Variants in LINGO2 observed in about 807,000 individuals in gnomAD.
LINGO2 encodes the protein leucine rich repeat and Ig domain containing 2.
In LINGO2, 14 loss-of-function variants were observed where a neutral mutation model predicts 30.6. The ratio of observed to expected loss-of-function variants is 0.46; its 90% CI spans 0.30 to 0.72. LINGO2 has a LOEUF of 0.72. Ranked by LOEUF, LINGO2 falls within the 30% of genes least tolerant of loss-of-function variation. The probability of loss-of-function intolerance (pLI) is 0.07; values close to 1 mark genes in which losing one functional copy is unlikely to be tolerated. For synonymous variants in LINGO2, 317 were observed against 288.5 expected, an observed-to-expected ratio of 1.10 and a Z score of -1.00; for missense variants, 729 against 751.7, an observed-to-expected ratio of 0.97 and a Z score of 0.35.
intron 2 of LINGO2, among the ~76,000 whole-genome samples, chr9:28,469,588 G>A (rs1825442394): frequency 6.6e-6 from 1 of 152,092 alleles, no homozygotes; most frequent in African/African-American, 2.4e-5. Context: ...CATTAATCAT[G>A]TACAAGGGAT....
At chr9:27,963,396 T>A (rs1362986278) in intron 5 of LINGO2, among the ~76,000 whole-genome samples, 1 of 152,108 alleles carries the variant, frequency 6.6e-6, no homozygotes, top group Non-Finnish European at 1.5e-5. Context: ...AAGAGATTGG[T>A]AAAATGGAGA....
the LINGO2 span, among the ~76,000 whole-genome samples, chr9:28,777,263 G>A: frequency 6.6e-6 from 1 of 152,180 alleles, no homozygotes; most frequent in Non-Finnish European, 1.5e-5. Context: ...TTATATGCAT[G>A]TTGAACAATT....
chr9:28,697,895 A>G, the LINGO2 span, among the ~76,000 whole-genome samples: 1 of 152,128 alleles, frequency 6.6e-6, no homozygotes, highest in Admixed American at 6.6e-5. Context: ...TTTTGTCTAG[A>G]TGAATTTTAT....
chr9:28,774,668 A>G, the LINGO2 span, among the ~76,000 whole-genome samples: 1 of 152,182 alleles, frequency 6.6e-6, no homozygotes, highest in South Asian at 2.1e-4. Flanking sequence ...CAGTGACTGC[A>G]CTTCTAAATC....
At chr9:28,431,413 G>A (rs998948539) in intron 2 of LINGO2, among the ~76,000 whole-genome samples, 15 of 152,080 alleles carry the variant, frequency 9.9e-5, no homozygotes, top group African/African-American at 2.9e-4. Flanking sequence ...AAGAGAGAGC[G>A]CAATCAAAGA....
At chr9:28,379,800 C>T (rs1224244577) in intron 2 of LINGO2, among the ~76,000 whole-genome samples, 1 of 152,042 alleles carries the variant, frequency 6.6e-6, no homozygotes, top group African/African-American at 2.4e-5. Flanking sequence ...GGGACACAAT[C>T]TGGGAGGAAG....
chr9:29,209,814 T>C, the LINGO2 span, among the ~76,000 whole-genome samples: 22 of 152,288 alleles, frequency 1.4e-4, no homozygotes, highest in African/African-American at 4.6e-4. Flanking sequence ...GGTTGAGGGC[T>C]ATGACAAAGA....
chr9:28,553,471 A>G (rs1172390635), intron 1 of LINGO2, among the ~76,000 whole-genome samples: 1 of 152,112 alleles, frequency 6.6e-6, no homozygotes, highest in Non-Finnish European at 1.5e-5. Context: ...AGAAACGAGC[A>G]AAGTCTCCAA....
At chr9:28,975,154 G>A in the LINGO2 span, among the ~76,000 whole-genome samples, 2 of 152,104 alleles carry the variant, frequency 1.3e-5, no homozygotes, top group African/African-American at 4.8e-5. Context: ...GAGGTTGCCT[G>A]AGGTTGGTCT....
chr9:28,520,071 TTGTC>T (rs2135396394), intron 1 of LINGO2, among the ~76,000 whole-genome samples: 1 of 152,296 alleles, frequency 6.6e-6, no homozygotes, highest in Non-Finnish European at 1.5e-5. Context: ...CACTATGAGT[TTGTC>T]TGTAAAATCA....
chr9:28,079,603 T>A (rs544698676), intron 4 of LINGO2, among the ~76,000 whole-genome samples: 2 of 152,188 alleles, frequency 1.3e-5, no homozygotes, highest in African/African-American at 4.8e-5. Flanking sequence ...ATACTTCTTG[T>A]TTATAAAAAG....
chr9:28,911,296 T>A, the LINGO2 span, among the ~76,000 whole-genome samples: 1 of 150,436 alleles, frequency 6.6e-6, no homozygotes, highest in African/African-American at 2.4e-5. Context: ...CAATCTTATT[T>A]TAGAAAAATT....
intron 3 of LINGO2, among the ~76,000 whole-genome samples, chr9:28,369,329 G>A (rs1466636450): frequency 6.6e-6 from 1 of 152,100 alleles, no homozygotes; most frequent in African/African-American, 2.4e-5. Flanking sequence ...TCCTTGGGGG[G>A]TTATGCATTA....
At chr9:28,400,977 G>T (rs1050408034) in intron 2 of LINGO2, among the ~76,000 whole-genome samples, 3 of 151,892 alleles carry the variant, frequency 2.0e-5, no homozygotes, top group African/African-American at 7.3e-5. Context: ...TTTCTTTCAT[G>T]GACATTGAAT....
chr9:28,967,079 G>GA, the LINGO2 span, among the ~76,000 whole-genome samples: 2 of 152,132 alleles, frequency 1.3e-5, no homozygotes, highest in African/African-American at 4.8e-5. Flanking sequence ...CAGTCTGCAA[G>GA]CTGTGGGACT....
chr9:29,060,860 G>T, the LINGO2 span, among the ~76,000 whole-genome samples: 1 of 151,876 alleles, frequency 6.6e-6, no homozygotes, highest in South Asian at 2.1e-4. Flanking sequence ...AGAGAAAAAT[G>T]ATAGGAAAAA....
chr9:28,476,647 GT>G (rs1825742397), intron 1 of LINGO2, among the ~76,000 whole-genome samples: 1 of 151,878 alleles, frequency 6.6e-6, no homozygotes, highest in Admixed American at 6.5e-5. Context: ...TTGAAGATCT[GT>G]GTACTTAAAC....
At chr9:29,143,919 T>G in the LINGO2 span, among the ~76,000 whole-genome samples, 13 of 152,160 alleles carry the variant, frequency 8.5e-5, no homozygotes, top group African/African-American at 1.4e-4. Flanking sequence ...ATTAAAGTAT[T>G]TAATGCATCT....
At chr9:28,743,347 C>T in the LINGO2 span, among the ~76,000 whole-genome samples, 1 of 151,884 alleles carries the variant, frequency 6.6e-6, no homozygotes, top group Non-Finnish European at 1.5e-5. Flanking sequence ...CCCCCATCCC[C>T]CGACAGGCCC....
Sources: gnomAD v4.1 joint callset for allele counts (sites outside exome capture counted in the v4.1 genomes callset) on GRCh38, gnomAD v4.1.1 for gene constraint, MANE v1.5 for transcripts, NCBI Gene and HGNC (gene_info 2026-07-23, HGNC 2026-07-21) for gene names.